Variants in GLI4 observed in about 807,000 individuals in gnomAD.
GLI4 encodes zinc finger protein GLI4.
GLI4 carries 34 observed loss-of-function variants against 30.9 expected under a neutral mutation model. The ratio of observed to expected loss-of-function variants is 1.10; its 90% CI spans 0.84 to 1.47. The LOEUF is 1.47. GLI4 is among the 40% of genes most tolerant of loss of function. The pLI, the probability that GLI4 is intolerant of heterozygous loss-of-function variation, is 0.00. For missense variants in GLI4, 696 were observed against 538.9 expected (o/e 1.29, Z -2.89); for synonymous variants, 277 against 236.7 (o/e 1.17, Z -1.56).
rs919457447 is a variant in GLI4 at position 143,276,420 on chromosome 8, C to T, written c.747C>T (p.Ser249=). Residue 249 remains serine (S), a synonymous_variant, in exon 4 of 4, where the codon AGC becomes AGT. Coordinates refer to ENST00000340042, the MANE Select transcript of GLI4 (RefSeq NM_138465.4). ...YECGQCGRAF[S]HSSHFTQHLR... ...GCGGCCAGTGCGGCCGCGCCTTCAG[C>T]CACAGCTCGCACTTCACGCAGCACC... The T allele has an allele frequency of 6.2e-6, 10 of 1,612,748 alleles. No homozygotes were observed. The highest frequency in any genetic ancestry group is 8.5e-6 in the Non-Finnish European group (10 of 1,179,768).
chr8:143,272,934 G>A (rs1379238942), intron 2 of GLI4, among the ~76,000 whole-genome samples: 1 of 152,156 alleles, frequency 6.6e-6, no homozygotes, highest in East Asian at 1.9e-4. Flanking sequence ...GGGTGTCTCC[G>A]GGCACCCCTA....
chr8:143,274,844 C>A, intron 3 of GLI4, 42 bp downstream of exon 3: 1 of 1,522,572 alleles, frequency 6.6e-7, no homozygotes, highest in Non-Finnish European at 8.9e-7. Context: ...CAGAGCTCTG[C>A]GCGTGCCAGG....
At position 143,276,151 on chromosome 8, in the gene GLI4, G is replaced by A. The variant is rs942096515; in HGVS notation, c.478G>A (p.Glu160Lys). The A allele has an allele frequency of 3.9e-6, 6 of 1,546,660 alleles. No individual in the cohort carries two copies. The African/African-American group carries it at 4.1e-5, about 11-fold the overall frequency. Residue 160 changes from glutamate (E) to lysine (K), a missense_variant, in exon 4 of 4, where the codon GAG becomes AAG. Glu to Lys is a moderately conservative substitution (Grantham distance 56). Transcript: ENST00000340042. ...QAAAGPEGAP[E>K]RAAELGVNFG... ...AGCGGCCGGGCCCGAGGGTGCGCCC[G>A]AGCGGGCTGCCGAGCTGGGAGTCAA... is the stretch of plus-strand genomic sequence containing the variant.
chr8:143,274,598 A>T (rs1297388509), intron 2 of GLI4, 106 bp from the exon 3 acceptor site: 3 of 1,118,744 alleles, frequency 2.7e-6, no homozygotes, highest in Non-Finnish European at 3.7e-6. Flanking sequence ...GAGGGCCAGG[A>T]GGTGTCCTGT....
chr8:143,275,706 G>A, intron 3 of GLI4, 191 bp from the exon 4 acceptor site: 1 of 1,242,052 alleles, frequency 8.1e-7, no homozygotes, highest in Non-Finnish European at 1.0e-6. Context: ...CCACCCCTGT[G>A]TCTATGTCAG....
At chr8:143,274,046 C>T (rs1815330047) in intron 2 of GLI4, among the ~76,000 whole-genome samples, 2 of 152,220 alleles carry the variant, frequency 1.3e-5, no homozygotes. Flanking sequence ...CCACCCTGCC[C>T]CCACCAAGTC....
chr8:143,274,701 C>A lies in GLI4; in HGVS notation c.125-3C>A. On this transcript the variant is annotated splice_region_variant and splice_polypyrimidine_tract_variant and intron_variant, in intron 2 of 3. Coordinates refer to ENST00000340042, the MANE Select transcript of GLI4 (RefSeq NM_138465.4). ...GGTGAGCCCCAGCCTCCCTGACCCC[C>A]AGGCTCCCCTGGCTCCAGCCCTAAG... The A allele has an allele frequency of 6.4e-7, 1 of 1,550,994 alleles. No homozygotes were observed.
intron 3 of GLI4, chr8:143,275,683 C>G (rs1403193312): frequency 8.1e-7 from 1 of 1,241,066 alleles, no homozygotes; most frequent in Non-Finnish European, 1.0e-6. Context: ...TCTGGGTCAC[C>G]CTGCAACGCC....
chr8:143,274,582 G>A, intron 2 of GLI4, 122 bp from the exon 3 acceptor site: 1 of 940,558 alleles, frequency 1.1e-6, no homozygotes, highest in Non-Finnish European at 1.5e-6. Context: ...CTGCTGTTGG[G>A]ATTGGGAGGG....
intron 2 of GLI4, 25 bp downstream of exon 2, chr8:143,269,545 C>T (rs1364827803): frequency 1.2e-6 from 2 of 1,600,482 alleles, no homozygotes; most frequent in Admixed American, 1.7e-5. Flanking sequence ...CGCTGTGCGC[C>T]CTCCACCCTG....
chr8:143,269,290 C>A, intron 1 of GLI4, 70 bp from the exon 2 acceptor site: 1 of 1,167,508 alleles, frequency 8.6e-7, no homozygotes, highest in Non-Finnish European at 1.2e-6. Context: ...TGGCATGTTG[C>A]CTCCTCCTGC....
intron 2 of GLI4, among the ~76,000 whole-genome samples, chr8:143,273,978 G>A (rs1358726280): frequency 6.6e-6 from 1 of 152,242 alleles, no homozygotes; most frequent in Non-Finnish European, 1.5e-5. Flanking sequence ...GCCTCGGGCA[G>A]TGGAGCCCAC....
intron 2 of GLI4, among the ~76,000 whole-genome samples, chr8:143,272,799 A>G (rs1424400031): frequency 6.6e-6 from 1 of 152,140 alleles, no homozygotes; most frequent in Non-Finnish European, 1.5e-5. Context: ...CCCCTAGAGA[A>G]GGTCCTAGGA....
In GLI4 at chr8:143,274,768, G is replaced by A. The variant is rs768011280; in HGVS notation, c.189G>A (p.Glu63=). ...CCGACCTGGATCTCCAAGACGTAGA[G>A]GAAGTGGAGATCGGCAGAGACACCT... The part of the protein sequence containing the change: ...QPSDLDLQDV[E]EVEIGRDTFW... The change falls in exon 3 of 4, where the codon GAG becomes GAA. Residue 63 remains glutamate, a synonymous_variant. Transcript: ENST00000340042. The A allele has an allele frequency of 3.2e-6, 5 of 1,570,546 alleles. No individual in the cohort carries two copies. In the South Asian group the frequency reaches 5.8e-5, roughly 18 times the overall value.
At chr8:143,268,516 G>A (rs1042159051) in intron 1 of GLI4, among the ~76,000 whole-genome samples, 1 of 152,206 alleles carries the variant, frequency 6.6e-6, no homozygotes, top group East Asian at 1.9e-4. Context: ...GTCTCTGAGG[G>A]CTCTGTAGGG....
In GLI4 at chr8:143,275,075, G is replaced by C. The variant is rs756001436; in HGVS notation, c.223+273G>C. The C allele has an allele frequency of 2.0e-6, 3 of 1,535,636 alleles. No individual in the cohort carries two copies. The South Asian group carries it at 3.6e-5, about 18-fold the overall frequency. ...CCTGCCGGCCCCAGCTGGACACAGT[G>C]AATCAGGAACTCCTCCCTCCCCTCC... On this transcript the variant is annotated intron_variant, in intron 3 of 3. Transcript: ENST00000340042.
At chr8:143,273,859 CAG>C (rs1277700378) in intron 2 of GLI4, among the ~76,000 whole-genome samples, 1 of 11,576 alleles carries the variant, frequency 8.6e-5, no homozygotes, top group Non-Finnish European at 2.5e-4. Flanking sequence ...CAGGGTGGCA[CAG>C]CACTGAGGGG....
At chr8:143,269,140 C>G (rs1469089443) in intron 1 of GLI4, among the ~76,000 whole-genome samples, 9 of 152,180 alleles carry the variant, frequency 5.9e-5, no homozygotes, top group Admixed American at 5.9e-4. Context: ...CCGTCCCCAG[C>G]CACTCAAAGC....
At chr8:143,268,875 G>C (rs886872499) in intron 1 of GLI4, among the ~76,000 whole-genome samples, 2 of 27,538 alleles carry the variant, frequency 7.3e-5, no homozygotes, top group African/African-American at 1.7e-4. Context: ...TTTGAGTCTT[G>C]CTGTGTCTCC....
Sources: allele counts gnomAD v4.1 joint callset (sites outside exome capture counted in the v4.1 genomes callset), GRCh38; gene constraint gnomAD v4.1.1; transcripts MANE v1.5; gene names NCBI Gene and HGNC (gene_info 2026-07-23, HGNC 2026-07-21).